CARMIL2: variants seen among roughly 807,000 people sequenced by gnomAD.
CARMIL2 encodes the protein capping protein regulator and myosin 1 linker 2.
A neutral mutation model predicts 173.3 loss-of-function variants in CARMIL2; 96 were observed. The observed-to-expected ratio is 0.55, with a 90% CI of 0.47 to 0.66. The LOEUF is 0.66. Among genes scored for constraint, CARMIL2 ranks in the 30% least tolerant of loss-of-function variants. The pLI, the probability that CARMIL2 is intolerant of heterozygous loss-of-function variation, is 0.00. For synonymous variants in CARMIL2, 830 were observed against 817.1 expected (o/e 1.02, Z -0.27); for missense variants, 1,771 against 1,906.7 (o/e 0.93, Z 1.33).
chr16:67,650,683 G>T (rs961404087), intron 22 of CARMIL2: 2 of 174,176 alleles, frequency 1.1e-5, no homozygotes, highest in African/African-American at 4.8e-5. Flanking sequence ...GTCTACCCTG[G>T]AGCCCAATCC....
Position 67,649,330 on chromosome 16 carries a change from G to T in CARMIL2, c.1746+19G>T. ...CGATTGTGTGAGTTCACGGGACCTTGCAGGGCCTCGGGCAATTAGACCACT... is the reference window on the plus strand; with the variant it reads ...CGATTGTGTGAGTTCACGGGACCTTTCAGGGCCTCGGGCAATTAGACCACT... On this transcript the variant is annotated intron_variant, in intron 19 of 37. Transcript: ENST00000334583. This position sits in a 1 kb window ranked among gnomAD's most constrained non-coding sequence, Gnocchi z 6.7. The T allele has an allele frequency of 6.2e-7, 1 of 1,610,596 alleles. No homozygotes were observed. The highest frequency in any genetic ancestry group is 8.5e-7 in the Non-Finnish European group (1 of 1,179,508).
Position 67,648,725 on chromosome 16 carries a change from G to T in CARMIL2, c.1480G>T (p.Asp494Tyr). The change falls in exon 16 of 38, where the codon GAC (aspartate) becomes TAC (tyrosine). Residue 494 changes from aspartate to tyrosine, a missense_variant. By Grantham distance (160) the Asp-to-Tyr change is radical (BLOSUM62 -3). This residue lies in a region of CARMIL2 where 944 missense variants were observed against 975.6 expected (regional missense o/e 0.97). Transcript: ENST00000334583. This position sits in a 1 kb window ranked among gnomAD's most constrained non-coding sequence, Gnocchi z 6.1. ...CCTCGCGCTCAACACGCACCTCCGC[G>T]ACCTGCACCTGGACCTCAGCGCTTG... is the stretch of plus-strand genomic sequence containing the variant. ...DGLALNTHLR[D>Y]LHLDLSACEL... 6.2e-7 allele frequency: 1 copy of T among 1,607,964 alleles called. No homozygotes were observed. The highest frequency in any genetic ancestry group is 8.5e-7 in the Non-Finnish European group (1 of 1,177,506).
chr16:67,651,487 G>A lies in CARMIL2; in HGVS notation c.2400G>A (p.Val800=). 1 of 1,596,522 alleles carries A rather than the reference G, an allele frequency of 6.3e-7. No individual in the cohort carries two copies. Among genetic ancestry groups the A allele is most frequent in the Admixed American group, 1.7e-5 (1 of 58,554 alleles). The part of the protein sequence containing the change: ...GQKLEGLLRQ[V]GEVCRQDIQD... ...AGCTGGAGGGCCTTCTGAGACAGGTGGGCGAGGTCTGCCGCCAGGACATCC... is the reference window on the plus strand; with the variant it reads ...AGCTGGAGGGCCTTCTGAGACAGGTAGGCGAGGTCTGCCGCCAGGACATCC... Residue 800 remains valine, a synonymous_variant, in exon 24 of 38, where the codon GTG becomes GTA. Coordinates refer to ENST00000334583, the MANE Select transcript of CARMIL2 (RefSeq NM_001013838.3). The surrounding 1 kb of genome is among the most constrained non-coding windows in gnomAD (Gnocchi z 4.2).
chr16:67,648,513 G>A lies in CARMIL2; in HGVS notation c.1439+11G>A, dbSNP rs2142920602. ...GCCCGACGCGCTCAGGTCAGTGTCGGACCCCGGCCACGCCCCCGCGGGCGC... is the reference window on the plus strand; with the variant it reads ...GCCCGACGCGCTCAGGTCAGTGTCGAACCCCGGCCACGCCCCCGCGGGCGC... On this transcript the variant is annotated intron_variant, in intron 15 of 37. Coordinates refer to ENST00000334583, the MANE Select transcript of CARMIL2 (RefSeq NM_001013838.3). This position sits in a 1 kb window ranked among gnomAD's most constrained non-coding sequence, Gnocchi z 6.1. The A allele has an allele frequency of 3.4e-6, 5 of 1,466,682 alleles. No individual in the cohort carries two copies. Among genetic ancestry groups the A allele is most frequent in the Non-Finnish European group, 4.5e-6 (5 of 1,108,384 alleles). The allele number at this position is 1,466,682 out of a possible 1,614,324, so 90.9% of individuals were successfully genotyped here. A position where few individuals can be genotyped will look rare whatever the true frequency, so the allele number is the denominator to read the frequency against.
Position 67,646,101 on chromosome 16 carries a change from C to A in CARMIL2, c.249+21C>A, listed in dbSNP as rs1567626359. ...CTCAGGTGAGACACCTAGTACCCTA[C>A]CTGGGCCTGCAGCCTGGTCTTCATG... On this transcript the variant is annotated intron_variant, in intron 4 of 37. Coordinates refer to ENST00000334583, the MANE Select transcript of CARMIL2 (RefSeq NM_001013838.3). The surrounding 1 kb of genome is among the most constrained non-coding windows in gnomAD (Gnocchi z 4.6). 1 of 1,613,808 alleles carries A rather than the reference C, an allele frequency of 6.2e-7. No individual in the cohort carries two copies. The highest frequency in any genetic ancestry group is 8.5e-7 in the Non-Finnish European group (1 of 1,179,882).
In CARMIL2 at chr16:67,656,515, C is replaced by T; in HGVS notation, c.3906C>T (p.Ser1302=). Residue 1302 remains serine, a synonymous_variant, in exon 35 of 38, where the codon AGC becomes AGT. Transcript: ENST00000334583. ...AGCAGTTGAATGCGGAGCTCAGGAG[C>T]CGTGGTTGGGGCCAACAGGATGGTC... ...LGQQLNAELR[S]RGWGQQDGPG... 3 of 1,613,522 alleles carry T rather than the reference C, an allele frequency of 1.9e-6. No individual in the cohort carries two copies. Among genetic ancestry groups the T allele is most frequent in the Non-Finnish European group, 2.5e-6 (3 of 1,179,784 alleles).
Position 67,652,325 on chromosome 16 carries a change from G to GAGGAGA in CARMIL2, c.2813_2817+1dup. ...TCTTTTCTTCCCCGAGGAGAAGGAAGAGGAGAAGGAGAAGGTAAGTGGTTT... is the reference window on the plus strand; with the variant it reads ...TCTTTTCTTCCCCGAGGAGAAGGAAGAGGAGAAGGAGAAGGAGAAGGTAAGTGGTTT... On this transcript the variant is annotated inframe_insertion, in exon 27 of 38. Transcript: ENST00000334583. The surrounding 1 kb of genome is among the most constrained non-coding windows in gnomAD (Gnocchi z 4.7). The GAGGAGA allele has an allele frequency of 1.2e-6, 2 of 1,613,054 alleles. No individual in the cohort carries two copies. The highest frequency in any genetic ancestry group is 1.7e-6 in the Non-Finnish European group (2 of 1,179,788).
In CARMIL2 at chr16:67,649,669, A is replaced by G. The variant is rs748920914; in HGVS notation, c.1919+50A>G. 1.9e-6 allele frequency: 3 copies of G among 1,558,456 alleles called. No homozygotes were observed. Among genetic ancestry groups the G allele is most frequent in the Middle Eastern group, 2.0e-4 (1 of 5,022 alleles). ...CCAGCGGGCAGGGGGCGCGGTGGAG[A>G]GGAGGGCACCGGGCTAAGGGGAGGG... is the stretch of plus-strand genomic sequence containing the variant. On this transcript the variant is annotated intron_variant, in intron 20 of 37. Transcript: ENST00000334583. This position sits in a 1 kb window ranked among gnomAD's most constrained non-coding sequence, Gnocchi z 6.7.
At position 67,646,311 on chromosome 16, in the gene CARMIL2, G is replaced by A; in HGVS notation, c.374+1G>A. 1 of 1,612,954 alleles carries A rather than the reference G, an allele frequency of 6.2e-7. No homozygotes were observed. Among genetic ancestry groups the A allele is most frequent in the East Asian group, 2.2e-5 (1 of 44,856 alleles). ...AGGTCTTCCCTCGCTCGACCCTTGG[G>A]TGAGGCCTGGCAAATTCGAGGGGCT... On this transcript the variant is annotated splice_donor_variant, in intron 5 of 37. Coordinates refer to ENST00000334583, the MANE Select transcript of CARMIL2 (RefSeq NM_001013838.3). LOFTEE classifies it high-confidence loss of function. The surrounding 1 kb of genome is among the most constrained non-coding windows in gnomAD (Gnocchi z 4.6).
Position 67,647,572 on chromosome 16 carries a change from A to T in CARMIL2, c.841A>T (p.Ser281Cys). The T allele has an allele frequency of 1.9e-6, 3 of 1,611,180 alleles. No individual in the cohort carries two copies. Among genetic ancestry groups the T allele is most frequent in the Non-Finnish European group, 2.5e-6 (3 of 1,178,936 alleles). ...GHSSSGLREL[S>C]LAGNLLDDRG... is the part of the protein sequence containing the mutation. ...CTCAAGCTCTGGGCTGCGGGAGCTC[A>T]GCCTCGCGGGGAACCTGCTGGATGA... is the stretch of plus-strand genomic sequence containing the variant. The change falls in exon 11 of 38, where the codon AGC becomes TGC. Residue 281 changes from serine to cysteine, a missense_variant. This residue lies in a region of CARMIL2 where 944 missense variants were observed against 975.6 expected (regional missense o/e 0.97). Coordinates refer to ENST00000334583, the MANE Select transcript of CARMIL2 (RefSeq NM_001013838.3).
chr16:67,655,538 G>C (rs901577524), intron 32 of CARMIL2, among the ~76,000 whole-genome samples: 1 of 152,238 alleles, frequency 6.6e-6, no homozygotes, highest in Admixed American at 6.5e-5. Flanking sequence ...CTGCTTCAGA[G>C]CCCTGTGGGG....
chr16:67,652,311 C>T lies in CARMIL2; in HGVS notation c.2789C>T (p.Pro930Leu), dbSNP rs750956156. The T allele has an allele frequency of 1.2e-6, 2 of 1,613,140 alleles. No homozygotes were observed. Among genetic ancestry groups the T allele is most frequent in the East Asian group, 2.2e-5 (1 of 44,880 alleles). The change falls in exon 27 of 38, where the codon CCC becomes CTC. Residue 930 changes from proline to leucine, a missense_variant. By Grantham distance (98) the Pro-to-Leu change is moderately conservative (BLOSUM62 -3). Transcript: ENST00000334583. The surrounding 1 kb of genome is among the most constrained non-coding windows in gnomAD (Gnocchi z 4.7). ...GGGGAATTGGAAGGTCTTTTCTTCC[C>T]CGAGGAGAAGGAAGAGGAGAAGGAG... ...EPGELEGLFFPEEKEEEKEKD... is the reference protein window; with the variant it reads ...EPGELEGLFFLEEKEEEKEKD...
In CARMIL2 at chr16:67,646,346, G is replaced by A. The variant is rs2052593071; in HGVS notation, c.374+36G>A. ...GCAAATTCGAGGGGCTGGCAGGGGA[G>A]GAGGGAGTGCATGAGAAGGGCTGCT... On this transcript the variant is annotated intron_variant, in intron 5 of 37. Transcript: ENST00000334583. This position sits in a 1 kb window ranked among gnomAD's most constrained non-coding sequence, Gnocchi z 4.6. 6.2e-7 allele frequency: 1 copy of A among 1,609,624 alleles called. No individual in the cohort carries two copies. Among genetic ancestry groups the A allele is most frequent in the African/African-American group, 1.3e-5 (1 of 74,874 alleles).
In CARMIL2 at chr16:67,647,116, G is replaced by A. The variant is rs764323649; in HGVS notation, c.612G>A (p.Arg204=). The change falls in exon 9 of 38, where the codon CGG becomes CGA. Residue 204 remains arginine, a splice_region_variant and synonymous_variant. Transcript: ENST00000334583. ...GCCTCTGTTCCCACCCTCCCACCAGGGACCTGGCCTTGAGTGTGGCTGCCC... is the reference window on the plus strand; with the variant it reads ...GCCTCTGTTCCCACCCTCCCACCAGAGACCTGGCCTTGAGTGTGGCTGCCC... The part of the protein sequence containing the change: ...SLGDFSHLGS[R]DLALSVAALS... 2 of 1,613,710 alleles carry A rather than the reference G, an allele frequency of 1.2e-6. No individual in the cohort carries two copies. Among genetic ancestry groups the A allele is most frequent in the Non-Finnish European group, 1.7e-6 (2 of 1,179,840 alleles).
In CARMIL2 at chr16:67,649,222, CT is replaced by C. The variant is rs1357974211; in HGVS notation, c.1689-31del. On this transcript the variant is annotated intron_variant, in intron 18 of 37. Coordinates refer to ENST00000334583, the MANE Select transcript of CARMIL2 (RefSeq NM_001013838.3). The surrounding 1 kb of genome is among the most constrained non-coding windows in gnomAD (Gnocchi z 6.7). ...CCTCCCAGACAACACCCCACCACCC[CT>C]GTCCCCCACAACTGCGGCCCCTGCC... 5.0e-6 allele frequency: 8 copies of C among 1,613,254 alleles called. No individual in the cohort carries two copies. The highest frequency in any genetic ancestry group is 6.8e-6 in the Non-Finnish European group (8 of 1,179,586).
Position 67,648,315 on chromosome 16 carries a change from G to T in CARMIL2, c.1334+1G>T, listed in dbSNP as rs780608299. The T allele has an allele frequency of 6.3e-7, 1 of 1,586,588 alleles. No individual in the cohort carries two copies. The highest frequency in any genetic ancestry group is 8.5e-7 in the Non-Finnish European group (1 of 1,174,230). ...CTTCGAGGAACGTCTTCTCCCGCACGTAAGGGGGACCTGTCGGGGCCGGGG... is the reference window on the plus strand; with the variant it reads ...CTTCGAGGAACGTCTTCTCCCGCACTTAAGGGGGACCTGTCGGGGCCGGGG... On this transcript the variant is annotated splice_donor_variant, in intron 14 of 37. Transcript: ENST00000334583. LOFTEE classifies it high-confidence loss of function. The surrounding 1 kb of genome is among the most constrained non-coding windows in gnomAD (Gnocchi z 6.1).
At chr16:67,650,293 T>C (rs1337187880) in intron 22 of CARMIL2, 143 bp downstream of exon 22, 3 of 666,792 alleles carry the variant, frequency 4.5e-6, no homozygotes, top group East Asian at 2.7e-5. Context: ...CTCTCCTTGA[T>C]CTGGAGGCGG....
At chr16:67,645,940 C>G in intron 3 of CARMIL2, 78 bp from the exon 4 acceptor site, 5 of 1,593,856 alleles carry the variant, frequency 3.1e-6, no homozygotes, top group Non-Finnish European at 4.3e-6. Context: ...CTGGCTCTGC[C>G]CCAGGCTGCC....
chr16:67,649,805 G>A lies in CARMIL2; in HGVS notation c.1920-1G>A. 1 of 1,610,802 alleles carries A rather than the reference G, an allele frequency of 6.2e-7. No homozygotes were observed. Among genetic ancestry groups the A allele is most frequent in the Non-Finnish European group, 8.5e-7 (1 of 1,178,582 alleles). ...CCCGACTGAAGCCAGGCCCGGCCCA[G>A]GTCTGTGGTCTGGGACCGGAACCAC... On this transcript the variant is annotated splice_acceptor_variant, in intron 20 of 37. Transcript: ENST00000334583. LOFTEE classifies it high-confidence loss of function. The surrounding 1 kb of genome is among the most constrained non-coding windows in gnomAD (Gnocchi z 6.7).
Sources: allele counts gnomAD v4.1 joint callset (sites outside exome capture counted in the v4.1 genomes callset), GRCh38; gene constraint gnomAD v4.1.1; regional missense constraint gnomAD v4.1.1; non-coding constraint Gnocchi (gnomAD v3.1); transcripts MANE v1.5; gene names NCBI Gene and HGNC (gene_info 2026-07-23, HGNC 2026-07-21).